PRMT3: variants seen among roughly 807,000 people sequenced by gnomAD.
PRMT3 encodes protein arginine methyltransferase 3, also known as protein arginine N-methyltransferase 3.
Under a neutral mutation model 71.9 loss-of-function variants are expected in PRMT3, and 62 were observed. That is an observed-to-expected ratio of 0.86 (90% confidence interval 0.70 to 1.07). The LOEUF (loss-of-function observed/expected upper bound fraction) is 1.07, where lower values mean the gene tolerates loss of function less well. PRMT3 is among the 50% of genes least tolerant of loss of function. The pLI, the probability that PRMT3 is intolerant of heterozygous loss-of-function variation, is 0.00. For synonymous variants in PRMT3, 213 were observed against 220.4 expected (o/e 0.97, Z 0.30); for missense variants, 663 against 643.0 (o/e 1.03, Z -0.34).
intron 13 of PRMT3, 50 bp downstream of exon 13, chr11:20,464,596 TTGGCAG>T: frequency 6.2e-7 from 1 of 1,601,112 alleles, no homozygotes; most frequent in Non-Finnish European, 8.5e-7. Flanking sequence ...GTGCAGTTGA[TTGGCAG>T]GCTAATGAGT....
chr11:20,408,820 AT>A (rs1321873099), intron 9 of PRMT3, among the ~76,000 whole-genome samples: 4 of 152,190 alleles, frequency 2.6e-5, no homozygotes, highest in African/African-American at 9.6e-5. Context: ...TTGGCCAGGC[AT>A]GGTGGCTCAT....
At chr11:20,475,570 C>CT (rs951493707) in intron 13 of PRMT3, among the ~76,000 whole-genome samples, 1 of 52,354 alleles carries the variant, frequency 1.9e-5, no homozygotes, top group Non-Finnish European at 8.2e-5. Flanking sequence ...TCTGTTTTTA[C>CT]TTAAAAACCT....
chr11:20,498,876 GA>G (rs1329735833), intron 15 of PRMT3, among the ~76,000 whole-genome samples: 1 of 152,106 alleles, frequency 6.6e-6, no homozygotes, highest in Non-Finnish European at 1.5e-5. Flanking sequence ...TTTTTCAGGA[GA>G]AAAATGCTGA....
chr11:20,459,716 T>A (rs1850340620), intron 11 of PRMT3, among the ~76,000 whole-genome samples: 1 of 152,228 alleles, frequency 6.6e-6, no homozygotes, highest in Non-Finnish European at 1.5e-5. Flanking sequence ...TATCAGAAAG[T>A]TAGCCACATA....
rs1288998995 is a variant in PRMT3 at position 20,387,736 on chromosome 11, G to T, written c.-11G>T. ...CCCCCAGACACGCCGGGCTCTCGGGGCACCACAGCCATGTGCTCGTTAGCG... is the reference window on the plus strand; with the variant it reads ...CCCCCAGACACGCCGGGCTCTCGGGTCACCACAGCCATGTGCTCGTTAGCG... On this transcript the variant is annotated 5_prime_UTR_variant, in exon 1 of 16. Transcript: ENST00000331079. This position sits in a 1 kb window ranked among gnomAD's most constrained non-coding sequence, Gnocchi z 4.3. 5.2e-6 allele frequency: 8 copies of T among 1,534,752 alleles called. No homozygotes were observed. The highest frequency in any genetic ancestry group is 2.5e-5 in the East Asian group (1 of 40,238).
chr11:20,494,565 T>G (rs2133454731), intron 15 of PRMT3, among the ~76,000 whole-genome samples: 1 of 152,234 alleles, frequency 6.6e-6, no homozygotes, highest in South Asian at 2.1e-4. Context: ...CCTCAAGTGA[T>G]CCACCTGCCT....
chr11:20,452,101 A>T (rs752725190), intron 10 of PRMT3, 29 bp from the exon 11 acceptor site: 9 of 1,504,420 alleles, frequency 6.0e-6, no homozygotes, highest in Admixed American at 1.7e-5. Context: ...CACATTTCTA[A>T]ACTCTTTTTT....
At chr11:20,446,730 C>T (rs886148092) in intron 10 of PRMT3, among the ~76,000 whole-genome samples, 3 of 152,134 alleles carry the variant, frequency 2.0e-5, no homozygotes, top group Non-Finnish European at 4.4e-5. Flanking sequence ...TGGCCAAATA[C>T]ATTAAACATT....
intron 9 of PRMT3, among the ~76,000 whole-genome samples, chr11:20,411,048 C>G (rs1417319352): frequency 6.6e-6 from 1 of 152,024 alleles, no homozygotes; most frequent in Admixed American, 6.6e-5. Flanking sequence ...GTTAACTCAG[C>G]TAAGTAAGCA....
At chr11:20,460,886 A>C (rs61876969) in intron 11 of PRMT3, among the ~76,000 whole-genome samples, 1 of 152,016 alleles carries the variant, frequency 6.6e-6, no homozygotes, top group South Asian at 2.1e-4. Context: ...TTCCATTCCC[A>C]CAGCAATATC....
chr11:20,477,031 C>T (rs1850806947), intron 13 of PRMT3, among the ~76,000 whole-genome samples: 1 of 152,158 alleles, frequency 6.6e-6, no homozygotes, highest in South Asian at 2.1e-4. Flanking sequence ...TTTCCCGTGT[C>T]TTAAGCACAA....
intron 8 of PRMT3, among the ~76,000 whole-genome samples, chr11:20,403,969 C>G (rs1025166622): frequency 6.6e-6 from 1 of 151,724 alleles, no homozygotes; most frequent in Non-Finnish European, 1.5e-5. Flanking sequence ...TTCCATACCT[C>G]TTTTTTAAGA....
chr11:20,398,200 T>A (rs1848873563), intron 7 of PRMT3, among the ~76,000 whole-genome samples: 1 of 152,116 alleles, frequency 6.6e-6, no homozygotes, highest in Non-Finnish European at 1.5e-5. Context: ...CCTTTTAACG[T>A]GTAAAGGAAA....
chr11:20,388,079 A>G lies in PRMT3; in HGVS notation c.89A>G (p.Glu30Gly). The change falls in exon 2 of 16, where the codon GAG becomes GGG. Residue 30 changes from glutamate (E) to glycine (G), a missense_variant. By Grantham distance (98) the Glu-to-Gly change is moderately conservative (BLOSUM62 -2). Coordinates refer to ENST00000331079, the MANE Select transcript of PRMT3 (RefSeq NM_005788.4). ...DLPELSDSGD[E>G]AAWEDEDDAD... Reference sequence around the variant, plus strand: ...CCAGAACTGTCGGACAGCGGGGACGAGGCCGCCTGGGAGGATGAGGACGAT... The same window carrying G: ...CCAGAACTGTCGGACAGCGGGGACGGGGCCGCCTGGGAGGATGAGGACGAT... 1 of 1,614,036 alleles carries G rather than the reference A, an allele frequency of 6.2e-7. No individual in the cohort carries two copies. The highest frequency in any genetic ancestry group is 8.5e-7 in the Non-Finnish European group (1 of 1,179,994).
intron 13 of PRMT3, among the ~76,000 whole-genome samples, chr11:20,471,012 G>A (rs1186588155): frequency 2.0e-5 from 3 of 151,812 alleles, no homozygotes; most frequent in Non-Finnish European, 2.9e-5. Flanking sequence ...TTTTCCATAT[G>A]TTTCTTGGCC....
chr11:20,481,055 T>A (rs1235699631), intron 13 of PRMT3, among the ~76,000 whole-genome samples: 1 of 152,142 alleles, frequency 6.6e-6, no homozygotes, highest in Non-Finnish European at 1.5e-5. Flanking sequence ...TATGAAAGAC[T>A]TTTTGAAAAT....
At chr11:20,410,343 C>T (rs541661457) in intron 9 of PRMT3, among the ~76,000 whole-genome samples, 2 of 151,834 alleles carry the variant, frequency 1.3e-5, no homozygotes, top group African/African-American at 4.8e-5. Context: ...TTTTTCATTG[C>T]GGTCATCTAA....
At chr11:20,462,980 C>T (rs959673770) in intron 12 of PRMT3, among the ~76,000 whole-genome samples, 2 of 152,162 alleles carry the variant, frequency 1.3e-5, no homozygotes, top group Non-Finnish European at 2.9e-5. Flanking sequence ...ATTCCCCTGC[C>T]TCAGCCTCCC....
chr11:20,416,421 C>A (rs2133336483), intron 9 of PRMT3, among the ~76,000 whole-genome samples: 1 of 152,294 alleles, frequency 6.6e-6, no homozygotes, highest in Admixed American at 6.5e-5. Context: ...ACTAAAATAT[C>A]AGCTCCCCGT....
Sources: allele counts gnomAD v4.1 joint callset (sites outside exome capture counted in the v4.1 genomes callset), GRCh38; gene constraint gnomAD v4.1.1; non-coding constraint Gnocchi (gnomAD v3.1); transcripts MANE v1.5; gene names NCBI Gene and HGNC (gene_info 2026-07-23, HGNC 2026-07-21).